MME: variants seen among roughly 807,000 people sequenced by gnomAD.
The protein encoded by MME is neprilysin.
In MME, 98 loss-of-function variants were observed where a neutral mutation model predicts 113.2. The observed-to-expected ratio is 0.87, with a 90% CI of 0.74 to 1.02. The LOEUF is 1.02. Among genes scored for constraint, MME ranks in the 50% least tolerant of loss-of-function variants. The pLI is 0.00. For missense variants in MME, 836 were observed against 896.0 expected (o/e 0.93, Z 0.86); for synonymous variants, 292 against 300.6 (o/e 0.97, Z 0.30).
chr3:155,142,294 C>T lies in MME; in HGVS notation c.1152C>T (p.Ser384=), dbSNP rs201534959. The change falls in exon 12 of 23, where the codon AGC becomes AGT. Residue 384 remains serine (S), a synonymous_variant. Transcript: ENST00000360490. The part of the protein sequence containing the change: ...RFIMDLVSSL[S]RTYKESRNAF... ...TAATGGATCTTGTAAGCAGCCTCAG[C>T]CGAACCTACAAGGAGTCCAGAAATG... The T allele has an allele frequency of 4.3e-6, 7 of 1,613,468 alleles. No individual in the cohort carries two copies. Among genetic ancestry groups the T allele is most frequent in the Non-Finnish European group, 5.1e-6 (6 of 1,179,648 alleles).
chr3:155,082,942 A>G (rs941784738), intron 1 of MME, among the ~76,000 whole-genome samples: 19 of 152,292 alleles, frequency 1.2e-4, no homozygotes, highest in Middle Eastern at 3.4e-3. Flanking sequence ...CTGAGCCGCC[A>G]CTTCATCCTG....
chr3:155,148,179 T>G (rs1721667309), intron 15 of MME, among the ~76,000 whole-genome samples: 1 of 152,122 alleles, frequency 6.6e-6, no homozygotes, highest in Admixed American at 6.6e-5. Flanking sequence ...ATAATAGAAT[T>G]AAATGAGTAT....
At chr3:155,133,052 A>ATATAT (rs1720272906) in intron 8 of MME, among the ~76,000 whole-genome samples, 1 of 86,674 alleles carries the variant, frequency 1.2e-5, no homozygotes, top group African/African-American at 4.5e-5. Flanking sequence ...AAAAAAAAAA[A>ATATAT]AAAAAAAAAA....
chr3:155,078,639 G>A (rs927767803), upstream of MME, among the ~76,000 whole-genome samples: 1 of 148,786 alleles, frequency 6.7e-6, no homozygotes, highest in Admixed American at 6.7e-5. Context: ...TTCCGCAGTG[G>A]AGTGTGAATA....
At position 155,084,401 on chromosome 3, in the gene MME, A is replaced by G. The variant is rs1715471715; in HGVS notation, c.160+74A>G. ...ATCTTCCTCCATGCTTTTACCATCT[A>G]TCCAACGAATGTGTTAAGGATAGAG... is the stretch of plus-strand genomic sequence containing the variant. On this transcript the variant is annotated intron_variant, in intron 2 of 22. Coordinates refer to ENST00000360490, the MANE Select transcript of MME (RefSeq NM_007289.4). 5 of 1,476,902 alleles carry G rather than the reference A, an allele frequency of 3.4e-6. No individual in the cohort carries two copies. In the South Asian group the frequency reaches 5.7e-5, roughly 17 times the overall value. The allele number at this position is 1,476,902 out of a possible 1,614,324, so 91.5% of individuals were successfully genotyped here.
At chr3:155,058,949 A>T (rs931742148) in intron 1 of MME, among the ~76,000 whole-genome samples, 1 of 152,126 alleles carries the variant, frequency 6.6e-6, no homozygotes, top group African/African-American at 2.4e-5. Context: ...TCTTCCTCTT[A>T]ACTATTTCCG....
chr3:155,033,613 A>G (rs902670834), intron 1 of MME, among the ~76,000 whole-genome samples: 1 of 152,164 alleles, frequency 6.6e-6, no homozygotes, highest in Non-Finnish European at 1.5e-5. Context: ...AGAGACTTCA[A>G]TGTTAAAAGG....
At chr3:155,117,589 T>C (rs1718726963) in intron 7 of MME, among the ~76,000 whole-genome samples, 1 of 116,860 alleles carries the variant, frequency 8.6e-6, no homozygotes, top group African/African-American at 2.9e-5. Flanking sequence ...CTTTCTTCCT[T>C]TTTTTTTTTG....
chr3:155,096,420 GT>G (rs754886193), intron 3 of MME, among the ~76,000 whole-genome samples: 1 of 152,168 alleles, frequency 6.6e-6, no homozygotes, highest in Non-Finnish European at 1.5e-5. Flanking sequence ...TAGAGGGTGT[GT>G]ATGAAGATAT....
chr3:155,156,123 T>C (rs1297777008), intron 16 of MME, among the ~76,000 whole-genome samples: 1 of 152,150 alleles, frequency 6.6e-6, no homozygotes, highest in Non-Finnish European at 1.5e-5. Flanking sequence ...TGCCTTTGGG[T>C]AAAAAGTTAC....
intron 17 of MME, among the ~76,000 whole-genome samples, chr3:155,165,542 A>G (rs913021928): frequency 6.6e-6 from 1 of 152,142 alleles, no homozygotes; most frequent in Non-Finnish European, 1.5e-5. Flanking sequence ...AAGCCTTCCA[A>G]AGATTTTTAG....
At chr3:155,119,638 A>C in intron 8 of MME, among the ~76,000 whole-genome samples, 2 of 147,232 alleles carry the variant, frequency 1.4e-5, no homozygotes, top group African/African-American at 5.0e-5. Context: ...TCATTGTTCA[A>C]TTCCCACCTA....
chr3:155,025,492 C>T (rs976422645), intron 1 of MME, among the ~76,000 whole-genome samples: 2 of 151,162 alleles, frequency 1.3e-5, no homozygotes, highest in African/African-American at 2.4e-5. Flanking sequence ...GGCATCGTGG[C>T]AGGCACCTGT....
At position 155,043,067 on chromosome 3, in the gene MME, G is replaced by A. The variant is rs1029745014; in HGVS notation, c.-11+18743G>A. On this transcript the variant is annotated intron_variant, in intron 1 of 22. Coordinates refer to the MME transcript ENST00000492661. ...TTTGTTTTTTACAAAATTATGCTTA[G>A]AGTCTTTTTATGGTATAATTTTCAA... 2.0e-5 allele frequency among the ~76,000 whole-genome samples: 3 copies of A among 147,690 alleles called. No individual in the cohort carries two copies. The East Asian group carries it at 6.0e-4, about 29-fold the overall frequency.
chr3:155,176,025 A>G (rs756533700), intron 22 of MME, among the ~76,000 whole-genome samples: 18 of 152,186 alleles, frequency 1.2e-4, no homozygotes, highest in Admixed American at 1.3e-4. Context: ...ACACTCATCA[A>G]TATGACTTTG....
intron 1 of MME, among the ~76,000 whole-genome samples, chr3:155,042,936 A>ATGTG (rs1553749810): frequency 2.6e-5 from 1 of 38,944 alleles, no homozygotes. Flanking sequence ...ATATATATAT[A>ATGTG]TATGTATATA....
At chr3:155,168,956 T>C (rs942893246) in intron 20 of MME, 159 bp downstream of exon 20, 36 of 645,142 alleles carry the variant, frequency 5.6e-5, no homozygotes, top group Non-Finnish European at 8.7e-5. Context: ...GTGAATATGC[T>C]AACCATAAGG....
intron 1 of MME, among the ~76,000 whole-genome samples, chr3:155,026,671 C>A (rs1712797401): frequency 6.6e-6 from 1 of 152,120 alleles, no homozygotes; most frequent in Admixed American, 6.6e-5. Flanking sequence ...TTGTACTGAG[C>A]CGAGATCATG....
chr3:155,078,811 T>C (rs1714875089), upstream of MME, among the ~76,000 whole-genome samples: 1 of 152,018 alleles, frequency 6.6e-6, no homozygotes, highest in Admixed American at 6.6e-5. Context: ...CTGCTAAAGG[T>C]AGCTTTTACA....
Sources: gnomAD v4.1 joint callset for allele counts (sites outside exome capture counted in the v4.1 genomes callset) on GRCh38, gnomAD v4.1.1 for gene constraint, MANE v1.5 for transcripts, NCBI Gene and HGNC (gene_info 2026-07-23, HGNC 2026-07-21) for gene names.